CADM2: variants seen among roughly 807,000 people sequenced by gnomAD.
The protein encoded by CADM2 is immunoglobulin superfamily member 4D.
Under a neutral mutation model 49.8 loss-of-function variants are expected in CADM2, and 12 were observed. The observed-to-expected ratio is 0.24, with a 90% CI of 0.15 to 0.39. CADM2 has a LOEUF of 0.39. Ranked by LOEUF, CADM2 falls within the 10% of genes least tolerant of loss-of-function variation. The pLI is 1.00. For synonymous variants in CADM2, 214 were observed against 175.4 expected, an observed-to-expected ratio of 1.22 and a Z score of -1.74; for missense variants, 378 against 492.3, an observed-to-expected ratio of 0.77 and a Z score of 2.20.
intron 1 of CADM2, among the ~76,000 whole-genome samples, chr3:85,361,703 C>T (rs1402161600): frequency 6.6e-6 from 1 of 152,166 alleles, no homozygotes; most frequent in Non-Finnish European, 1.5e-5. Flanking sequence ...GTCCTGAAAT[C>T]TGCTTCTGGT....
chr3:84,972,076 A>T (rs1297883837), intron 1 of CADM2, among the ~76,000 whole-genome samples: 2 of 152,172 alleles, frequency 1.3e-5, no homozygotes, highest in Non-Finnish European at 2.9e-5. Flanking sequence ...CAGCAGTAAG[A>T]CATGATGGTA....
chr3:86,064,454 A>G (rs759086741), intron 8 of CADM2, among the ~76,000 whole-genome samples: 4 of 152,036 alleles, frequency 2.6e-5, no homozygotes, highest in Non-Finnish European at 5.9e-5. Flanking sequence ...CCAGTCTATC[A>G]TTGTTGGACA....
chr3:85,393,962 A>G (rs979300450), intron 1 of CADM2, among the ~76,000 whole-genome samples: 3 of 151,872 alleles, frequency 2.0e-5, no homozygotes, highest in African/African-American at 4.8e-5. Context: ...GCCCGTCACC[A>G]CGCCTCGCTA....
intron 1 of CADM2, among the ~76,000 whole-genome samples, chr3:85,590,440 G>A (rs1559929710): frequency 1.3e-5 from 2 of 152,024 alleles, no homozygotes; most frequent in South Asian, 2.1e-4. Context: ...AAAATCATTA[G>A]GACAGGTAAA....
intron 2 of CADM2, among the ~76,000 whole-genome samples, chr3:85,778,263 A>G (rs1403945297): frequency 1.3e-5 from 2 of 152,218 alleles, no homozygotes; most frequent in Non-Finnish European, 2.9e-5. Flanking sequence ...AGAAGAATCC[A>G]TATGTGTATA....
chr3:85,999,026 G>GA (rs373462758), intron 8 of CADM2, among the ~76,000 whole-genome samples: 8 of 151,638 alleles, frequency 5.3e-5, no homozygotes, highest in African/African-American at 1.7e-4. Flanking sequence ...GGGTTTTATG[G>GA]AAAAAAAATA....
chr3:85,631,455 A>C (rs1333727377), intron 1 of CADM2, among the ~76,000 whole-genome samples: 1 of 152,100 alleles, frequency 6.6e-6, no homozygotes. Flanking sequence ...ATTGAAATAA[A>C]TCTTTCACCA....
At chr3:85,447,185 A>C (rs1407506806) in intron 1 of CADM2, among the ~76,000 whole-genome samples, 1 of 151,516 alleles carries the variant, frequency 6.6e-6, no homozygotes, top group Non-Finnish European at 1.5e-5. Flanking sequence ...GAAAAGTGTC[A>C]AATATTGGGG....
intron 8 of CADM2, among the ~76,000 whole-genome samples, chr3:86,053,357 G>T (rs1200633850): frequency 2.0e-5 from 3 of 152,052 alleles, no homozygotes; most frequent in Admixed American, 1.3e-4. Flanking sequence ...GTGTACACTT[G>T]ACAAAAACTT....
At chr3:85,753,432 G>T (rs889271134) in intron 2 of CADM2, among the ~76,000 whole-genome samples, 3 of 152,160 alleles carry the variant, frequency 2.0e-5, no homozygotes, top group African/African-American at 7.2e-5. Flanking sequence ...GCAGACACCA[G>T]AACCCTGATA....
chr3:85,718,937 G>C (rs1475915789), intron 1 of CADM2, among the ~76,000 whole-genome samples: 1 of 147,368 alleles, frequency 6.8e-6, no homozygotes, highest in African/African-American at 2.5e-5. Flanking sequence ...TTGAGACAGA[G>C]AGTCTCACTC....
chr3:85,707,663 C>G (rs553268833), intron 1 of CADM2, among the ~76,000 whole-genome samples: 7 of 152,162 alleles, frequency 4.6e-5, no homozygotes, highest in African/African-American at 1.7e-4. Context: ...TGGAGACACC[C>G]AAACCTGTAC....
intron 3 of CADM2, among the ~76,000 whole-genome samples, chr3:85,846,886 A>T (rs972669045): frequency 6.6e-6 from 1 of 152,006 alleles, no homozygotes; most frequent in Non-Finnish European, 1.5e-5. Flanking sequence ...AAAATATAAG[A>T]TTTTGCGTCT....
chr3:85,362,540 A>G (rs1192045904), intron 1 of CADM2, among the ~76,000 whole-genome samples: 2 of 152,186 alleles, frequency 1.3e-5, no homozygotes, highest in Admixed American at 6.5e-5. Context: ...TTAAAGTGAC[A>G]TGCATATATT....
At chr3:85,296,852 C>A (rs2043977364) in intron 1 of CADM2, among the ~76,000 whole-genome samples, 1 of 152,048 alleles carries the variant, frequency 6.6e-6, no homozygotes, top group South Asian at 2.1e-4. Flanking sequence ...TTGCAAATAC[C>A]TTGTCCTTCA....
chr3:85,246,411 G>GT (rs1559740945), intron 1 of CADM2, among the ~76,000 whole-genome samples: 4 of 151,826 alleles, frequency 2.6e-5, no homozygotes, highest in Non-Finnish European at 5.9e-5. Flanking sequence ...TAACCTGCAC[G>GT]TCATGCACAT....
intron 1 of CADM2, among the ~76,000 whole-genome samples, chr3:85,408,010 C>CAAAAAAAAAAAAAAAAA (rs372349246): frequency 1.8e-3 from 103 of 56,124 alleles, no homozygotes; most frequent in Middle Eastern, 0.015. Context: ...AAAACAAAAC[C>CAAAAAAAAAAAAAAAAA]AAAAAAAAAA....
chr3:85,285,350 A>G (rs1171019373), intron 1 of CADM2, among the ~76,000 whole-genome samples: 2 of 152,120 alleles, frequency 1.3e-5, no homozygotes, highest in African/African-American at 4.8e-5. Context: ...TCGAGTATCG[A>G]TAGGTAGTTC....
At chr3:85,098,256 G>GAA (rs5850666) in intron 1 of CADM2, among the ~76,000 whole-genome samples, 6 of 117,448 alleles carry the variant, frequency 5.1e-5, no homozygotes, top group Non-Finnish European at 5.0e-5. Context: ...CATTATCGTA[G>GAA]AAAAAAAAAA....
Sources: allele counts gnomAD v4.1 joint callset (sites outside exome capture counted in the v4.1 genomes callset), GRCh38; gene constraint gnomAD v4.1.1; transcripts MANE v1.5; gene names NCBI Gene and HGNC (gene_info 2026-07-23, HGNC 2026-07-21).